Variants in CASP5 observed in about 807,000 individuals in gnomAD.
CASP5 encodes the protein caspase-5.
CASP5 carries 42 observed loss-of-function variants against 45.2 expected under a neutral mutation model. That is an observed-to-expected ratio of 0.93 (90% CI 0.73 to 1.20). The LOEUF is 1.20. Among genes scored for constraint, CASP5 ranks in the 50% most tolerant of loss-of-function variants. The pLI, the probability that CASP5 is intolerant of heterozygous loss-of-function variation, is 0.00. For synonymous variants in CASP5, 209 were observed against 186.2 expected, an observed-to-expected ratio of 1.12 and a Z score of -1.00; for missense variants, 512 against 532.2, an observed-to-expected ratio of 0.96 and a Z score of 0.37.
chr11:105,016,432 C>G (rs550355790), intron 1 of CASP5, among the ~76,000 whole-genome samples: 1 of 152,070 alleles, frequency 6.6e-6, no homozygotes, highest in Non-Finnish European at 1.5e-5. Flanking sequence ...AGACAGTGGG[C>G]GCAGGTCAGT....
In CASP5 at chr11:105,008,997, G is replaced by A; in HGVS notation, c.8-17C>T. ...CACTGTCTTCTATCAGAAATATAAA[G>A]ACTCCTTCAACTCTGGGCACAGCTT... On this transcript the variant is annotated splice_polypyrimidine_tract_variant and intron_variant, in intron 1 of 9. Coordinates refer to ENST00000260315, the MANE Select transcript of CASP5 (RefSeq NM_004347.5). 2 of 1,609,758 alleles carry A rather than the reference G, an allele frequency of 1.2e-6. No homozygotes were observed. Among genetic ancestry groups the A allele is most frequent in the Non-Finnish European group, 1.7e-6 (2 of 1,178,188 alleles).
At chr11:105,000,643 ATGTTTTTTTGTTT>A in intron 5 of CASP5, 148 bp from the exon 6 acceptor site, 1 of 720,352 alleles carries the variant, frequency 1.4e-6, no homozygotes, top group East Asian at 2.7e-5. Flanking sequence ...CAGCAGTTTT[ATGTTTTTTTGTTT>A]TGTTTTTTTT....
intron 3 of CASP5, among the ~76,000 whole-genome samples, chr11:105,005,356 ATGTGTGTGTGTGTGTGTG>A (rs5794366): frequency 3.6e-5 from 5 of 139,248 alleles, no homozygotes; most frequent in East Asian, 2.1e-4. Flanking sequence ...GTATATATAT[ATGTGTGTGTGTGTGTGTG>A]TGTGTGTGTG....
chr11:105,021,666 G>A (rs1862969858), intron 1 of CASP5, among the ~76,000 whole-genome samples: 1 of 147,288 alleles, frequency 6.8e-6, no homozygotes, highest in South Asian at 2.1e-4. Context: ...AACAACAGGT[G>A]CTGGAGAGGA....
chr11:105,010,924 A>G (rs1278431001), intron 1 of CASP5, among the ~76,000 whole-genome samples: 8 of 151,810 alleles, frequency 5.3e-5, no homozygotes, highest in Non-Finnish European at 1.2e-4. Context: ...ACTCCGGAGC[A>G]GGAATAGAAG....
Position 105,003,390 on chromosome 11 carries a change from GA to G in CASP5, c.434-8del. On this transcript the variant is annotated splice_region_variant and splice_polypyrimidine_tract_variant and intron_variant, in intron 3 of 9. Coordinates refer to ENST00000260315, the MANE Select transcript of CASP5 (RefSeq NM_004347.5). ...GCCTCGATTTGCAGAAGAGCTGTGGGATATCACAAAATATAAATTATGGTTT... is the reference window on the plus strand; with the variant it reads ...GCCTCGATTTGCAGAAGAGCTGTGGGTATCACAAAATATAAATTATGGTTT... 1 of 1,495,952 alleles carries G rather than the reference GA, an allele frequency of 6.7e-7. No individual in the cohort carries two copies. Among genetic ancestry groups the G allele is most frequent in the Non-Finnish European group, 9.2e-7 (1 of 1,090,650 alleles). The allele number at this position is 1,495,952 out of a possible 1,614,324, so 92.7% of individuals were successfully genotyped here. A position where few individuals can be genotyped will look rare whatever the true frequency, so the allele number is the denominator to read the frequency against.
chr11:105,010,409 CATT>C (rs576288701), intron 1 of CASP5, among the ~76,000 whole-genome samples: 23,321 of 89,778 alleles, frequency 0.26, 2,094 homozygotes, highest in Admixed American at 0.35. Flanking sequence ...CAGTAATTAT[CATT>C]ATTATTATAC....
intron 8 of CASP5, 40 bp from the exon 9 acceptor site, chr11:104,995,882 G>T (rs1013501056): frequency 7.5e-7 from 1 of 1,335,522 alleles, no homozygotes; most frequent in Non-Finnish European, 1.1e-6. Context: ...AGGGATTTTG[G>T]GTTCTCAGAA....
intron 8 of CASP5, among the ~76,000 whole-genome samples, chr11:104,996,671 G>A (rs1192305442): frequency 3.9e-5 from 6 of 152,116 alleles, no homozygotes; most frequent in Admixed American, 3.3e-4. Context: ...CAGGCATATT[G>A]AGGTGCTGAG....
chr11:105,017,746 A>C (rs1247786833), intron 1 of CASP5, among the ~76,000 whole-genome samples: 1 of 152,184 alleles, frequency 6.6e-6, no homozygotes, highest in Non-Finnish European at 1.5e-5. Context: ...GATATTATCC[A>C]GGAGAACTTC....
intron 3 of CASP5, among the ~76,000 whole-genome samples, chr11:105,006,132 A>G (rs1257578869): frequency 6.6e-6 from 1 of 152,174 alleles, no homozygotes; most frequent in East Asian, 1.9e-4. Context: ...CATGGATCTG[A>G]GAACATTTAG....
At chr11:105,007,389 C>A in intron 2 of CASP5, 55 bp from the exon 3 acceptor site, 1 of 1,511,974 alleles carries the variant, frequency 6.6e-7, no homozygotes, top group South Asian at 1.2e-5. Flanking sequence ...AGAGTTCTGC[C>A]TTCACCTAAG....
intron 1 of CASP5, among the ~76,000 whole-genome samples, chr11:105,014,060 A>T (rs923535263): frequency 6.6e-6 from 1 of 152,052 alleles, no homozygotes; most frequent in African/African-American, 2.4e-5. Context: ...TGTCCTTTCT[A>T]TTCTATTCTT....
At chr11:105,004,287 G>A (rs1302953892) in intron 3 of CASP5, among the ~76,000 whole-genome samples, 2 of 152,120 alleles carry the variant, frequency 1.3e-5, no homozygotes, top group Non-Finnish European at 2.9e-5. Context: ...AGCCAACACT[G>A]TCCAACTCAT....
At chr11:105,022,912 CT>C (rs984643116) in intron 1 of CASP5, among the ~76,000 whole-genome samples, 20 of 152,060 alleles carry the variant, frequency 1.3e-4, no homozygotes, top group African/African-American at 4.3e-4. Flanking sequence ...AGGAATTAAC[CT>C]TTTTCTGGCT....
chr11:105,013,636 A>T (rs1862455273), intron 1 of CASP5, among the ~76,000 whole-genome samples: 1 of 152,122 alleles, frequency 6.6e-6, no homozygotes, highest in South Asian at 2.1e-4. Flanking sequence ...TTATAAGTTT[A>T]AAATAATAAA....
intron 1 of CASP5, among the ~76,000 whole-genome samples, chr11:105,017,540 G>A (rs1862689639): frequency 6.6e-6 from 1 of 152,124 alleles, no homozygotes. Context: ...GCGATCAACT[G>A]GAAGAAAGGG....
At chr11:104,998,762 A>G in intron 7 of CASP5, 123 bp downstream of exon 7, 1 of 922,852 alleles carries the variant, frequency 1.1e-6, no homozygotes. Context: ...CATGCAAAAT[A>G]TATAGAGAGC....
At chr11:105,015,178 C>A (rs892164229) in intron 1 of CASP5, among the ~76,000 whole-genome samples, 3 of 152,116 alleles carry the variant, frequency 2.0e-5, no homozygotes, top group Non-Finnish European at 1.5e-5. Context: ...AGAGTCAGGC[C>A]AACCTAGATT....
Sources: allele counts gnomAD v4.1 joint callset (sites outside exome capture counted in the v4.1 genomes callset), GRCh38; gene constraint gnomAD v4.1.1; transcripts MANE v1.5; gene names NCBI Gene and HGNC (gene_info 2026-07-23, HGNC 2026-07-21).